The following CLPTM1 variants were observed in gnomAD, a reference collection of about 807,000 sequenced individuals.
CLPTM1 encodes CLPTM1 regulator of GABA type A receptor forward trafficking.
A neutral mutation model predicts 77.3 loss-of-function variants in CLPTM1; 21 were observed. The observed-to-expected ratio is 0.27, with a 90% CI of 0.19 to 0.39. The LOEUF is 0.39. CLPTM1 is among the 10% of genes least tolerant of loss of function. CLPTM1 has a pLI of 1.00. For synonymous variants in CLPTM1, 373 were observed against 381.0 expected (o/e 0.98, Z 0.24); for missense variants, 642 against 921.2 (o/e 0.70, Z 3.92).
chr19:44,967,726 TGCCTGCCTGGTGTCCTCCA>T (rs1272166860), intron 2 of CLPTM1, among the ~76,000 whole-genome samples: 1 of 151,332 alleles, frequency 6.6e-6, no homozygotes, highest in Non-Finnish European at 1.5e-5. Context: ...AGAGCAGAAC[TGCCTGCCTGGTGTCCTCCA>T]AGAGTGTCAC....
In CLPTM1 at chr19:44,986,526, C is replaced by T. The variant is rs373758879; in HGVS notation, c.744C>T (p.Asp248=). The change falls in exon 7 of 14, where the codon GAC becomes GAT. Residue 248 remains aspartate, a synonymous_variant. Transcript: ENST00000337392. ...CCAACATCACCATCAACATCGTGGA[C>T]GACCACACGCCGTGGGTGAAGGGCA... ...WHPNITINIV[D]DHTPWVKGSV... The T allele has an allele frequency of 2.0e-5, 32 of 1,613,984 alleles. No homozygotes were observed. Among genetic ancestry groups the T allele is most frequent in the Admixed American group, 3.3e-5 (2 of 60,000 alleles).
In CLPTM1 at chr19:44,983,949, G is replaced by A. The variant is rs139269388; in HGVS notation, c.587-1269G>A. Among the ~76,000 whole-genome samples, 1,261 of 152,318 alleles carry A rather than the reference G, an allele frequency of 8.3e-3. 12 individuals are homozygous for A. Among genetic ancestry groups the A allele is most frequent in the African/African-American group, 0.029 (1,224 of 41,566 alleles). ...TGCACTCCAGCCTGGGTGACAGAGC[G>A]AGACTCTGTCTCCAGAAAAAAAACA... On this transcript the variant is annotated intron_variant, in intron 5 of 13. Transcript: ENST00000337392.
intron 1 of CLPTM1, among the ~76,000 whole-genome samples, chr19:44,959,478 C>T (rs1281418431): frequency 6.6e-6 from 1 of 152,044 alleles, no homozygotes; most frequent in Non-Finnish European, 1.5e-5. Context: ...TCTCAGCCTC[C>T]TGAGTAGCTG....
Position 44,993,181 on chromosome 19 carries a change from G to A in CLPTM1, c.*284G>A. Reference sequence around the variant, plus strand: ...GTGAAGCTGATGCAGCGTTGCCGAGGGGGTGGGTTGGGCGGGGGTGGGGCC... The same window carrying A: ...GTGAAGCTGATGCAGCGTTGCCGAGAGGGTGGGTTGGGCGGGGGTGGGGCC... On this transcript the variant is annotated 3_prime_UTR_variant, in exon 14 of 14. Transcript: ENST00000337392. 1.7e-6 allele frequency: 1 copy of A among 580,770 alleles called. No individual in the cohort carries two copies. Among genetic ancestry groups the A allele is most frequent in the South Asian group, 1.5e-5 (1 of 65,630 alleles). The allele number at this position is 580,770 out of a possible 1,614,324, so 36.0% of individuals were successfully genotyped here. A position where few individuals can be genotyped will look rare whatever the true frequency, so the allele number is the denominator to read the frequency against.
upstream of CLPTM1, chr19:44,954,960 A>C: frequency 3.9e-6 from 6 of 1,532,958 alleles, no homozygotes; most frequent in Non-Finnish European, 5.2e-6. Flanking sequence ...CCTCTGACGA[A>C]AGAGGGGCGT....
chr19:44,954,773 G>A, upstream of CLPTM1: 1 of 1,351,672 alleles, frequency 7.4e-7, no homozygotes. Flanking sequence ...GTATCATAGG[G>A]TCTCATCGGA....
intron 1 of CLPTM1, among the ~76,000 whole-genome samples, chr19:44,957,045 T>C (rs1467601590): frequency 2.6e-5 from 4 of 152,174 alleles, no homozygotes; most frequent in African/African-American, 7.2e-5. Flanking sequence ...CCTCCCCAGT[T>C]GTGACAACCA....
intron 2 of CLPTM1, among the ~76,000 whole-genome samples, chr19:44,967,944 CCTT>C (rs750893000): frequency 4.1e-4 from 63 of 152,208 alleles, no homozygotes; most frequent in Admixed American, 2.4e-3. Flanking sequence ...TTATATATCA[CCTT>C]CTTTTTTTTC....
intron 4 of CLPTM1, among the ~76,000 whole-genome samples, chr19:44,976,146 C>T (rs556950778): frequency 2.6e-5 from 4 of 152,334 alleles, no homozygotes; most frequent in Non-Finnish European, 4.4e-5. Flanking sequence ...TGAACCACCC[C>T]ACCTGGCTGG....
At chr19:44,963,987 C>T (rs886237690) in intron 2 of CLPTM1, among the ~76,000 whole-genome samples, 12 of 150,154 alleles carry the variant, frequency 8.0e-5, no homozygotes, top group Non-Finnish European at 1.3e-4. Context: ...AGGCTGGTCT[C>T]GAACTCCTGA....
intron 3 of CLPTM1, 90 bp downstream of exon 3, chr19:44,973,300 C>G (rs1970751916): frequency 6.4e-7 from 1 of 1,558,198 alleles, no homozygotes; most frequent in Non-Finnish European, 8.7e-7. Flanking sequence ...CGGGACAGAC[C>G]AGGTCCTTGC....
At chr19:44,982,346 C>CAA (rs200485766) in intron 5 of CLPTM1, among the ~76,000 whole-genome samples, 1 of 132,798 alleles carries the variant, frequency 7.5e-6, no homozygotes, top group Non-Finnish European at 1.6e-5. Context: ...GAGACTATGT[C>CAA]AAAAAAAAAA....
At chr19:44,954,701 G>A, upstream of CLPTM1, 6 of 1,191,602 alleles carry the variant, frequency 5.0e-6, no homozygotes, top group South Asian at 9.0e-5. Context: ...ACGGATGCGA[G>A]GTTTGGACCA....
At chr19:44,974,739 C>A in intron 4 of CLPTM1, 142 bp downstream of exon 4, 1 of 895,016 alleles carries the variant, frequency 1.1e-6, no homozygotes, top group Non-Finnish European at 1.6e-6. Context: ...GGTCTGTGAC[C>A]ACAAGCCAGT....
Position 44,990,658 on chromosome 19 carries a change from T to TGGAGCTGGCCCCC in CLPTM1, c.1323+76_1323+88dup, listed in dbSNP as rs1971058084. On this transcript the variant is annotated intron_variant, in intron 10 of 13. Coordinates refer to ENST00000337392, the MANE Select transcript of CLPTM1 (RefSeq NM_001294.4). The surrounding 1 kb of genome is among the most constrained non-coding windows in gnomAD (Gnocchi z 4.8). Reference sequence around the variant, plus strand: ...GGGGTAGTGTGGCCCAGCTGGACCCTGGAGCTGGCCCCCGGGGGATTCCCA... The same window carrying TGGAGCTGGCCCCC: ...GGGGTAGTGTGGCCCAGCTGGACCCTGGAGCTGGCCCCCGGAGCTGGCCCCCGGGGGATTCCCA... The TGGAGCTGGCCCCC allele has an allele frequency of 6.6e-7, 1 of 1,521,346 alleles. No individual in the cohort carries two copies. The highest frequency in any genetic ancestry group is 1.4e-5 in the African/African-American group (1 of 72,684). 94.2% of individuals were successfully genotyped at this position (1,521,346 alleles called of 1,614,324 possible).
At chr19:44,988,670 G>A (rs540571617) in intron 9 of CLPTM1, among the ~76,000 whole-genome samples, 1 of 152,358 alleles carries the variant, frequency 6.6e-6, no homozygotes, top group African/African-American at 2.4e-5. Context: ...ACCCTCCCCA[G>A]TAGCTCCTTG....
intron 8 of CLPTM1, chr19:44,987,711 A>C (rs1425003699): frequency 1.8e-6 from 1 of 546,768 alleles, no homozygotes; most frequent in Non-Finnish European, 3.3e-6. Context: ...CCTGGCTCCA[A>C]CTCTGTGTCT....
At chr19:44,969,628 C>T (rs1970686722) in intron 2 of CLPTM1, among the ~76,000 whole-genome samples, 1 of 152,022 alleles carries the variant, frequency 6.6e-6, no homozygotes, top group African/African-American at 2.4e-5. Flanking sequence ...CACATCCACA[C>T]TCCAGGCAAC....
Position 44,987,304 on chromosome 19 carries a change from T to C in CLPTM1, c.919T>C (p.Phe307Leu). 1 of 1,614,248 alleles carries C rather than the reference T, an allele frequency of 6.2e-7. No individual in the cohort carries two copies. The highest frequency in any genetic ancestry group is 8.5e-7 in the Non-Finnish European group (1 of 1,180,028). Residue 307 changes from phenylalanine (F) to leucine (L), a missense_variant, in exon 8 of 14, where the codon TTC (phenylalanine) becomes CTC (leucine). By Grantham distance (22) the Phe-to-Leu change is conservative (BLOSUM62 0). This residue lies in a region of CLPTM1 where 521 missense variants were observed against 800.4 expected (regional missense o/e 0.65). Transcript: ENST00000337392. ...SLASLPLRVS[F>L]CPLSLWRWQL... Reference sequence around the variant, plus strand: ...GGCCAGCCTGCCGCTCCGCGTCTCCTTCTGCCCACTCTCGCTTTGGCGCTG... The same window carrying C: ...GGCCAGCCTGCCGCTCCGCGTCTCCCTCTGCCCACTCTCGCTTTGGCGCTG...
Sources: gnomAD v4.1 joint callset for allele counts (sites outside exome capture counted in the v4.1 genomes callset) on GRCh38, gnomAD v4.1.1 for gene constraint, gnomAD v4.1.1 regional missense constraint, Gnocchi (gnomAD v3.1) non-coding constraint, MANE v1.5 for transcripts, NCBI Gene and HGNC (gene_info 2026-07-23, HGNC 2026-07-21) for gene names.